The following PDE11A variants were observed in gnomAD, a reference collection of about 807,000 sequenced individuals.
The protein encoded by PDE11A is phosphodiesterase 11A, also known as dual 3',5'-cyclic-AMP and -GMP phosphodiesterase 11A.
A neutral mutation model predicts 100.5 loss-of-function variants in PDE11A; 100 were observed. That is an observed-to-expected ratio of 1.00 (90% CI 0.85 to 1.18). The LOEUF (loss-of-function observed/expected upper bound fraction) is 1.18. Ranked by LOEUF, PDE11A falls within the 50% of genes most tolerant of loss-of-function variation. The probability of loss-of-function intolerance (pLI) is 0.00; values close to 1 mark genes in which losing one functional copy is unlikely to be tolerated. For missense variants in PDE11A, 1,141 were observed against 1,152.6 expected, an observed-to-expected ratio of 0.99 and a Z score of 0.15; for synonymous variants, 381 against 420.8, an observed-to-expected ratio of 0.91 and a Z score of 1.16.
intron 2 of PDE11A, among the ~76,000 whole-genome samples, chr2:177,988,447 G>T (rs34948302): frequency 0.063 from 9,544 of 152,162 alleles, 312 homozygotes; most frequent in South Asian, 0.094. Flanking sequence ...ATTGTGTAGA[G>T]GTAAAGCAAA....
At chr2:177,747,334 G>T (rs1445298985) in intron 10 of PDE11A, among the ~76,000 whole-genome samples, 4 of 152,194 alleles carry the variant, frequency 2.6e-5, no homozygotes, top group South Asian at 4.2e-4. Flanking sequence ...CCACCTGTGG[G>T]AAAGACCCTG....
intron 10 of PDE11A, among the ~76,000 whole-genome samples, chr2:177,731,252 T>C (rs1264687030): frequency 6.6e-6 from 1 of 152,210 alleles, no homozygotes; most frequent in Non-Finnish European, 1.5e-5. Flanking sequence ...TTTAGAAATA[T>C]TAGAGGTTTT....
chr2:177,867,612 G>A (rs1274421068), intron 5 of PDE11A, among the ~76,000 whole-genome samples: 1 of 152,152 alleles, frequency 6.6e-6, no homozygotes, highest in Non-Finnish European at 1.5e-5. Flanking sequence ...TGTAGTCCTA[G>A]CTACTCGGCA....
intron 15 of PDE11A, 28 bp from the exon 16 acceptor site, chr2:177,680,931 AG>A: frequency 7.6e-7 from 1 of 1,315,370 alleles, no homozygotes; most frequent in Admixed American, 1.7e-5. Flanking sequence ...GAAGAAAGAA[AG>A]AAAAAAAAAA....
intron 13 of PDE11A, among the ~76,000 whole-genome samples, chr2:177,708,174 T>G (rs960850667): frequency 3.9e-5 from 6 of 152,174 alleles, no homozygotes; most frequent in Admixed American, 3.9e-4. Flanking sequence ...TATAAAACAA[T>G]GTTTCATTGC....
intron 9 of PDE11A, among the ~76,000 whole-genome samples, chr2:177,815,533 TGC>T (rs2083024363): frequency 6.6e-6 from 1 of 152,088 alleles, no homozygotes; most frequent in African/African-American, 2.4e-5. Context: ...AAGCATCCCT[TGC>T]CAAGGTAAGG....
intron 4 of PDE11A, among the ~76,000 whole-genome samples, chr2:177,885,428 C>T (rs1391053478): frequency 6.6e-6 from 1 of 152,054 alleles, no homozygotes; most frequent in South Asian, 2.1e-4. Flanking sequence ...TTTTGGTATC[C>T]ATGCGCTGTC....
intron 1 of PDE11A, among the ~76,000 whole-genome samples, chr2:178,019,826 G>A (rs988220415): frequency 1.3e-5 from 2 of 152,138 alleles, no homozygotes; most frequent in African/African-American, 2.4e-5. Context: ...AACCGTGGAC[G>A]GAAGTATCAT....
intron 2 of PDE11A, among the ~76,000 whole-genome samples, chr2:178,100,947 C>T (rs147892369): frequency 6.6e-6 from 1 of 152,278 alleles, no homozygotes; most frequent in East Asian, 1.9e-4. Flanking sequence ...TAGAGAAATA[C>T]TTTAAAAATT....
intron 1 of PDE11A, chr2:178,018,609 A>G: frequency 3.1e-6 from 1 of 317,710 alleles, no homozygotes; most frequent in South Asian, 3.0e-5. Context: ...CTTTGGTGCA[A>G]TCATAGCTCA....
chr2:177,686,986 G>T (rs2080962355), intron 15 of PDE11A: 1 of 151,874 alleles, frequency 6.6e-6, no homozygotes, highest in African/African-American at 2.4e-5. Context: ...CAGAGTGCTG[G>T]GATTACAGGC....
At chr2:178,059,708 C>T (rs1315213820) in intron 1 of PDE11A, among the ~76,000 whole-genome samples, 1 of 152,168 alleles carries the variant, frequency 6.6e-6, no homozygotes, top group Non-Finnish European at 1.5e-5. Context: ...AAAACTGAAA[C>T]AGGAAGAATC....
intron 13 of PDE11A, among the ~76,000 whole-genome samples, chr2:177,708,146 T>C (rs1385854732): frequency 6.6e-6 from 1 of 152,200 alleles, no homozygotes; most frequent in African/African-American, 2.4e-5. Context: ...AGCTGTTTAG[T>C]GCAGCATCAA....
At chr2:178,074,358 A>G (rs1212387422), upstream of PDE11A, among the ~76,000 whole-genome samples, 1 of 152,178 alleles carries the variant, frequency 6.6e-6, no homozygotes, top group Non-Finnish European at 1.5e-5. Context: ...AATGAATCGT[A>G]TGGTATGTAA....
chr2:177,860,399 A>C (rs947134505), intron 5 of PDE11A, among the ~76,000 whole-genome samples: 3 of 151,894 alleles, frequency 2.0e-5, no homozygotes, highest in Admixed American at 6.6e-5. Context: ...AAACAACTCA[A>C]GGAGAATTTT....
At chr2:177,866,166 C>G (rs1321490623) in intron 5 of PDE11A, among the ~76,000 whole-genome samples, 1 of 152,112 alleles carries the variant, frequency 6.6e-6, no homozygotes, top group Non-Finnish European at 1.5e-5. Flanking sequence ...CATGGAGATG[C>G]CCTATTCACA....
chr2:177,883,732 A>G lies in PDE11A; in HGVS notation c.1303-7809T>C, dbSNP rs546107660. ...AGCTATAGAAGTGTGGGTAGGGTGA[A>G]AAGAAGCCCATAAGGAATGGTGAGG... On this transcript the variant is annotated intron_variant, in intron 4 of 19. Transcript: ENST00000286063. 4.6e-5 allele frequency among the ~76,000 whole-genome samples: 7 copies of G among 152,332 alleles called. No individual in the cohort carries two copies. The East Asian group carries it at 1.4e-3, about 29-fold the overall frequency.
intron 15 of PDE11A, among the ~76,000 whole-genome samples, chr2:177,690,223 C>A (rs2081022951): frequency 6.6e-6 from 1 of 152,106 alleles, no homozygotes; most frequent in African/African-American, 2.4e-5. Context: ...GGCTGCTGAC[C>A]TAATGTTATA....
At chr2:177,639,356 C>T (rs1287836814) in intron 19 of PDE11A, among the ~76,000 whole-genome samples, 1 of 152,138 alleles carries the variant, frequency 6.6e-6, no homozygotes. Flanking sequence ...AAAACTCTGT[C>T]TTGCTTAGTA....
Sources: allele counts gnomAD v4.1 joint callset (sites outside exome capture counted in the v4.1 genomes callset), GRCh38; gene constraint gnomAD v4.1.1; transcripts MANE v1.5; gene names NCBI Gene and HGNC (gene_info 2026-07-23, HGNC 2026-07-21).